The following UPF2 variants were observed in gnomAD, a reference collection of about 807,000 sequenced individuals.
UPF2 encodes the protein regulator of nonsense transcripts 2.
Under a neutral mutation model 141.4 loss-of-function variants are expected in UPF2, and 17 were observed. The ratio of observed to expected loss-of-function variants is 0.12; its 90% confidence interval spans 0.08 to 0.18. The LOEUF is 0.18. Among genes scored for constraint, UPF2 ranks in the 10% least tolerant of loss-of-function variants. UPF2 has a pLI of 1.00. For missense variants in UPF2, 1,152 were observed against 1,515.9 expected (o/e 0.76, Z 3.99); for synonymous variants, 540 against 498.0 (o/e 1.08, Z -1.12).
chr10:11,926,113 T>TAGAAA (rs1039069154), intron 21 of UPF2, among the ~76,000 whole-genome samples: 9 of 152,120 alleles, frequency 5.9e-5, no homozygotes, highest in Non-Finnish European at 1.0e-4. Flanking sequence ...GGGCAGAGAA[T>TAGAAA]AGAAAAGGCA....
intron 5 of UPF2, among the ~76,000 whole-genome samples, chr10:12,002,380 T>C (rs1458233208): frequency 6.6e-6 from 1 of 152,168 alleles, no homozygotes; most frequent in Non-Finnish European, 1.5e-5. Context: ...GGAGAGAGAT[T>C]GTGTGGATGA....
At position 11,992,143 on chromosome 10, in the gene UPF2, C is replaced by CAA. The variant is rs111374153; in HGVS notation, c.1844+5527_1844+5528dup. Among the ~76,000 whole-genome samples the CAA allele has an allele frequency of 0.059, 8,126 of 138,122 alleles. 277 individuals carry two copies. The highest frequency in any genetic ancestry group is 0.085 in the Non-Finnish European group (5,393 of 63,670). The allele number at this position is 138,122 out of a possible 152,430, so 90.6% of individuals were successfully genotyped here. A position where few individuals can be genotyped will look rare whatever the true frequency, so the allele number is the denominator to read the frequency against. On this transcript the variant is annotated intron_variant, in intron 8 of 21. Coordinates refer to ENST00000357604, the MANE Select transcript of UPF2 (RefSeq NM_015542.4). This position sits in a 1 kb window ranked among gnomAD's most constrained non-coding sequence, Gnocchi z 4.1. Reference sequence around the variant, plus strand: ...TGGGCAATAGAGCAAAACTCAGTCTCAAAAAAAAAAATGAAAATGACCTTC... The same window carrying CAA: ...TGGGCAATAGAGCAAAACTCAGTCTCAAAAAAAAAAAAATGAAAATGACCTTC...
intron 9 of UPF2, among the ~76,000 whole-genome samples, chr10:11,972,093 AAC>A (rs1308538005): frequency 6.6e-6 from 1 of 151,746 alleles, no homozygotes; most frequent in Non-Finnish European, 1.5e-5. Context: ...CACACAAAAA[AAC>A]ACTCTTCAGA....
intron 9 of UPF2, among the ~76,000 whole-genome samples, chr10:11,968,182 A>C (rs1833354392): frequency 6.6e-6 from 1 of 152,120 alleles, no homozygotes; most frequent in African/African-American, 2.4e-5. Context: ...TCCATCTCAA[A>C]AGAAAAAAAA....
rs1388737522 is a variant in UPF2, at chr10:11,953,524, TA to T, written c.2851-1276del. ...GGCTCTGTTACACATTTTTGTCTGT[TA>T]ATCAGTTTGGAAAATATTTTTGTCT... On this transcript the variant is annotated intron_variant, in intron 14 of 21. Coordinates refer to ENST00000357604, the MANE Select transcript of UPF2 (RefSeq NM_015542.4). The surrounding 1 kb of genome is among the most constrained non-coding windows in gnomAD (Gnocchi z 5.0). Among the ~76,000 whole-genome samples the T allele has an allele frequency of 2.6e-5, 4 of 152,244 alleles. No homozygotes were observed. The highest frequency in any genetic ancestry group is 5.9e-5 in the Non-Finnish European group (4 of 68,040).
At chr10:11,938,858 T>TTTTTG (rs1832892559) in intron 18 of UPF2, among the ~76,000 whole-genome samples, 3 of 69,408 alleles carry the variant, frequency 4.3e-5, no homozygotes, top group Admixed American at 2.0e-4. Context: ...TTTTTGTTTT[T>TTTTTG]TTTTTTTTTT....
At position 11,997,755 on chromosome 10, in the gene UPF2, T is replaced by C; in HGVS notation, c.1761A>G (p.Ala587=). 3.1e-6 allele frequency: 5 copies of C among 1,613,770 alleles called. No homozygotes were observed. Among genetic ancestry groups the C allele is most frequent in the Non-Finnish European group, 4.2e-6 (5 of 1,179,834 alleles). The change falls in exon 8 of 22, where the codon GCA becomes GCG. Residue 587 remains alanine (A), a splice_region_variant and synonymous_variant. Coordinates refer to ENST00000357604, the MANE Select transcript of UPF2 (RefSeq NM_015542.4). ...NCVNRDLIDK[A]AMDFCMNMNT... is the part of the protein sequence containing the mutation. The stretch of plus-strand genomic sequence containing the variant: ...TCATGTTCATGCAAAAATCCATTGC[T>C]GCCTATTGGGAAAAAGTAAACTTTT...
chr10:11,957,816 A>G (rs1588536631), intron 12 of UPF2, among the ~76,000 whole-genome samples: 1 of 152,102 alleles, frequency 6.6e-6, no homozygotes, highest in East Asian at 1.9e-4. Flanking sequence ...TATGCCAGCT[A>G]ATAATCTCAC....
chr10:11,956,546 A>G lies in UPF2; in HGVS notation c.2371-23T>C. On this transcript the variant is annotated intron_variant, in intron 12 of 21. Coordinates refer to ENST00000357604, the MANE Select transcript of UPF2 (RefSeq NM_015542.4). This position sits in a 1 kb window ranked among gnomAD's most constrained non-coding sequence, Gnocchi z 4.2. ...AACCTAAAAAAAGAGAATTTTGTTCAAATTATTAAGATAAGTACACAGTAG... is the reference window on the plus strand; with the variant it reads ...AACCTAAAAAAAGAGAATTTTGTTCGAATTATTAAGATAAGTACACAGTAG... 5.0e-6 allele frequency: 8 copies of G among 1,609,182 alleles called. No homozygotes were observed. The highest frequency in any genetic ancestry group is 6.8e-6 in the Non-Finnish European group (8 of 1,178,400).
At position 11,936,397 on chromosome 10, in the gene UPF2, CAAA is replaced by C; in HGVS notation, c.3546+145_3546+147del. 1.2e-6 allele frequency: 1 copy of C among 859,304 alleles called. No homozygotes were observed. The highest frequency in any genetic ancestry group is 1.6e-6 in the Non-Finnish European group (1 of 630,362). The allele number at this position is 859,304 out of a possible 1,614,324, so 53.2% of individuals were successfully genotyped here. On this transcript the variant is annotated intron_variant, in intron 19 of 21. Transcript: ENST00000357604. The surrounding 1 kb of genome is among the most constrained non-coding windows in gnomAD (Gnocchi z 6.6). ...ACAAAAACAAAAACAAAAACAAAAA[CAAA>C]AAAAACTATATAAGGGAAGAAATTA... is the stretch of plus-strand genomic sequence containing the variant.
Position 11,931,588 on chromosome 10 carries a change from T to C in UPF2, c.3688+53A>G. 2 of 1,483,778 alleles carry C rather than the reference T, an allele frequency of 1.3e-6. No individual in the cohort carries two copies. Among genetic ancestry groups the C allele is most frequent in the Middle Eastern group, 1.9e-4 (1 of 5,160 alleles). The allele number at this position is 1,483,778 out of a possible 1,614,324, so 91.9% of individuals were successfully genotyped here. ...AGAAGATGAGACAAAATAACAATTT[T>C]GATGCTCAAAAGGCAACAAAAATTT... On this transcript the variant is annotated intron_variant, in intron 20 of 21. Transcript: ENST00000357604. This position sits in a 1 kb window ranked among gnomAD's most constrained non-coding sequence, Gnocchi z 5.9.
chr10:11,972,783 C>T (rs1656778218), intron 9 of UPF2, among the ~76,000 whole-genome samples: 1 of 152,126 alleles, frequency 6.6e-6, no homozygotes, highest in African/African-American at 2.4e-5. Flanking sequence ...CAGTCTATCA[C>T]TGATGGGCAT....
chr10:11,966,430 TTTC>T (rs1392643733), intron 10 of UPF2, among the ~76,000 whole-genome samples: 1 of 131,084 alleles, frequency 7.6e-6, no homozygotes, highest in African/African-American at 2.4e-5. Flanking sequence ...TATTTCTTTT[TTTC>T]TTTTTTTTGA....
At chr10:12,018,799 C>G (rs1205682280) in intron 3 of UPF2, among the ~76,000 whole-genome samples, 1 of 152,056 alleles carries the variant, frequency 6.6e-6, no homozygotes, top group East Asian at 1.9e-4. Context: ...TTTAGAAATT[C>G]TAATGAAATT....
rs533893212 is a variant in UPF2, at chr10:11,979,808, G to A, written c.1845-643C>T. Among the ~76,000 whole-genome samples the A allele has an allele frequency of 6.6e-6, 1 of 152,304 alleles. No homozygotes were observed. Among genetic ancestry groups the A allele is most frequent in the African/African-American group, 2.4e-5 (1 of 41,566 alleles). On this transcript the variant is annotated intron_variant, in intron 8 of 21. Coordinates refer to ENST00000357604, the MANE Select transcript of UPF2 (RefSeq NM_015542.4). This position sits in a 1 kb window ranked among gnomAD's most constrained non-coding sequence, Gnocchi z 6.2. Reference sequence around the variant, plus strand: ...TAGTCACAGCTACTCGGGAGGCTAAGGCAGGAGAATTGCTTGAACCCAGGA... The same window carrying A: ...TAGTCACAGCTACTCGGGAGGCTAAAGCAGGAGAATTGCTTGAACCCAGGA...
At chr10:11,974,420 T>C (rs943301560) in intron 9 of UPF2, among the ~76,000 whole-genome samples, 5 of 152,176 alleles carry the variant, frequency 3.3e-5, no homozygotes, top group African/African-American at 1.2e-4. Flanking sequence ...CTATGCTGAA[T>C]AGGAGTGGTA....
At chr10:11,958,895 T>C (rs1833196963) in intron 12 of UPF2, among the ~76,000 whole-genome samples, 1 of 152,178 alleles carries the variant, frequency 6.6e-6, no homozygotes, top group South Asian at 2.1e-4. Context: ...TGTTATGGAA[T>C]ACCAGAGAGA....
rs147497183 is a variant in UPF2, at chr10:11,931,584, A to G, written c.3688+57T>C. 466 of 1,480,564 alleles carry G rather than the reference A, an allele frequency of 3.1e-4. 2 individuals carry two copies. In the African/African-American group the frequency reaches 5.2e-3, roughly 17 times the overall value. 91.7% of individuals were successfully genotyped at this position (1,480,564 alleles called of 1,614,324 possible). A position where few individuals can be genotyped will look rare whatever the true frequency, so the allele number is the denominator to read the frequency against. Reference sequence around the variant, plus strand: ...CATGAGAAGATGAGACAAAATAACAATTTTGATGCTCAAAAGGCAACAAAA... The same window carrying G: ...CATGAGAAGATGAGACAAAATAACAGTTTTGATGCTCAAAAGGCAACAAAA... On this transcript the variant is annotated intron_variant, in intron 20 of 21. Transcript: ENST00000357604. This position sits in a 1 kb window ranked among gnomAD's most constrained non-coding sequence, Gnocchi z 5.9.
chr10:11,952,469 C>CTTTTTT (rs869201076), intron 14 of UPF2, among the ~76,000 whole-genome samples: 53 of 97,716 alleles, frequency 5.4e-4, no homozygotes, highest in South Asian at 8.7e-4. Context: ...TACTAAATAT[C>CTTTTTT]TTTTTTTTTT....
Sources: allele counts gnomAD v4.1 joint callset (sites outside exome capture counted in the v4.1 genomes callset), GRCh38; gene constraint gnomAD v4.1.1; non-coding constraint Gnocchi (gnomAD v3.1); transcripts MANE v1.5; gene names NCBI Gene and HGNC (gene_info 2026-07-23, HGNC 2026-07-21).